Variants in KLKB1 observed in about 807,000 individuals in gnomAD.
KLKB1 encodes the protein kallikrein B1.
In KLKB1, 58 loss-of-function variants were observed where a neutral mutation model predicts 73.6. That is an observed-to-expected ratio of 0.79 (90% CI 0.64 to 0.98). The LOEUF (loss-of-function observed/expected upper bound fraction) is 0.98. Among genes scored for constraint, KLKB1 ranks in the 50% least tolerant of loss-of-function variants. The pLI, the probability that KLKB1 is intolerant of heterozygous loss-of-function variation, is 0.00. For missense variants in KLKB1, 737 were observed against 763.8 expected (o/e 0.96, Z 0.41); for synonymous variants, 280 against 258.1 (o/e 1.08, Z -0.81).
At chr4:186,224,796 G>C (rs1171725768), upstream of KLKB1, among the ~76,000 whole-genome samples, 2 of 152,188 alleles carry the variant, frequency 1.3e-5, no homozygotes, top group Non-Finnish European at 2.9e-5. Flanking sequence ...AATCTGAAAA[G>C]GACATGAGAT....
intron 2 of KLKB1, chr4:186,211,987 TCA>T (rs1031391500): frequency 7.9e-5 from 12 of 152,150 alleles, no homozygotes; most frequent in African/African-American, 2.9e-4. Context: ...TCACAGTGCC[TCA>T]CAGAGTTAAT....
chr4:186,226,832 G>C (rs564939025), upstream of KLKB1, among the ~76,000 whole-genome samples: 1 of 152,332 alleles, frequency 6.6e-6, no homozygotes, highest in East Asian at 1.9e-4. Context: ...TGCCAACTTG[G>C]AGCCTGGGGT....
intron 6 of KLKB1, among the ~76,000 whole-genome samples, chr4:186,242,786 G>A (rs933893590): frequency 1.3e-5 from 2 of 152,124 alleles, no homozygotes; most frequent in Non-Finnish European, 2.9e-5. Flanking sequence ...TGGAGGCTGA[G>A]CTTGGTGAGG....
chr4:186,216,201 C>T (rs1214597141), intron 2 of KLKB1, among the ~76,000 whole-genome samples: 2 of 152,210 alleles, frequency 1.3e-5, no homozygotes, highest in South Asian at 2.1e-4. Flanking sequence ...TGTCCTCAAT[C>T]TCTTGTTTTT....
chr4:186,225,423 CTTTTT>C (rs35336018), upstream of KLKB1, among the ~76,000 whole-genome samples: 1 of 106,680 alleles, frequency 9.4e-6, no homozygotes. Context: ...GTGAGGATTT[CTTTTT>C]TTTTTTTTTT....
chr4:186,230,014 C>A (rs943619760), intron 2 of KLKB1, among the ~76,000 whole-genome samples: 2 of 152,140 alleles, frequency 1.3e-5, no homozygotes, highest in Middle Eastern at 3.4e-3. Context: ...TTTGCTACTA[C>A]GTGGAGCTTG....
chr4:186,213,866 T>C (rs966300693), intron 2 of KLKB1, among the ~76,000 whole-genome samples: 1 of 152,240 alleles, frequency 6.6e-6, no homozygotes, highest in African/African-American at 2.4e-5. Context: ...TTAAAAATTT[T>C]TAGTCTGCGT....
chr4:186,251,152 T>A, intron 7 of KLKB1, 67 bp from the exon 8 acceptor site: 1 of 1,033,328 alleles, frequency 9.7e-7, no homozygotes, highest in Non-Finnish European at 1.5e-6. Flanking sequence ...GAGCTGCTTT[T>A]GTATTTGCCT....
chr4:186,245,802 G>GTTTTTTTTTTTTT (rs755207618), intron 6 of KLKB1, among the ~76,000 whole-genome samples: 1 of 54,884 alleles, frequency 1.8e-5, no homozygotes, highest in African/African-American at 5.7e-5. Context: ...AATTTTTGGA[G>GTTTTTTTTTTTTT]TTTTTTTTTG....
intron 12 of KLKB1, among the ~76,000 whole-genome samples, chr4:186,255,035 C>T (rs891103317): frequency 1.6e-4 from 24 of 152,136 alleles, no homozygotes; most frequent in African/African-American, 5.3e-4. Flanking sequence ...ATGTCTGTGC[C>T]GTCTGAGAGG....
Position 186,251,470 on chromosome 4 carries a change from G to A in KLKB1, c.869-17G>A. ...CTTTTCCCATCTGATATCTTTTTGTGTTTATAATTGACACAGAACCCTGCC... is the reference window on the plus strand; with the variant it reads ...CTTTTCCCATCTGATATCTTTTTGTATTTATAATTGACACAGAACCCTGCC... On this transcript the variant is annotated splice_polypyrimidine_tract_variant and intron_variant, in intron 8 of 14. Coordinates refer to ENST00000264690, the MANE Select transcript of KLKB1 (RefSeq NM_000892.5). The A allele has an allele frequency of 1.2e-6, 2 of 1,612,008 alleles. No homozygotes were observed. Among genetic ancestry groups the A allele is most frequent in the Non-Finnish European group, 1.7e-6 (2 of 1,178,210 alleles).
At chr4:186,245,350 G>A (rs1181427875) in intron 6 of KLKB1, among the ~76,000 whole-genome samples, 1 of 152,200 alleles carries the variant, frequency 6.6e-6, no homozygotes, top group Non-Finnish European at 1.5e-5. Flanking sequence ...AGGCTTCTAA[G>A]GTGATCGGGC....
chr4:186,234,196 A>T, intron 4 of KLKB1, 138 bp downstream of exon 4: 1 of 705,426 alleles, frequency 1.4e-6, no homozygotes, highest in Non-Finnish European at 2.6e-6. Flanking sequence ...TATTCTGGAC[A>T]CAAAAGAGGG....
intron 2 of KLKB1, among the ~76,000 whole-genome samples, chr4:186,229,290 A>G (rs1579992690): frequency 6.6e-6 from 1 of 152,316 alleles, no homozygotes; most frequent in African/African-American, 2.4e-5. Context: ...TAGAAACTAC[A>G]TATTGCATGT....
At chr4:186,244,247 T>G (rs1000676521) in intron 6 of KLKB1, among the ~76,000 whole-genome samples, 4 of 107,326 alleles carry the variant, frequency 3.7e-5, no homozygotes, top group African/African-American at 1.7e-4. Context: ...TTTTGTGAGT[T>G]TATATAATGG....
intron 13 of KLKB1, among the ~76,000 whole-genome samples, chr4:186,256,366 G>A (rs1260460807): frequency 6.6e-6 from 1 of 152,178 alleles, no homozygotes; most frequent in African/African-American, 2.4e-5. Context: ...GGGCTGACAA[G>A]CCCGTGCAAG....
In KLKB1 at chr4:186,235,052, G is replaced by A. The variant is rs544869836; in HGVS notation, c.328+994G>A. On this transcript the variant is annotated intron_variant, in intron 4 of 14. Transcript: ENST00000264690. The stretch of plus-strand genomic sequence containing the variant: ...TTCAATACGTACACACTTTGAGCCT[G>A]CTGTTTGCATTTTAACCAGTTATCA... 1.1e-4 allele frequency among the ~76,000 whole-genome samples: 17 copies of A among 152,250 alleles called. No homozygotes were observed. In the East Asian group the frequency reaches 1.7e-3, roughly 16 times the overall value.
chr4:186,239,035 T>TA (rs1737858542), intron 6 of KLKB1, among the ~76,000 whole-genome samples: 1 of 132,886 alleles, frequency 7.5e-6, no homozygotes, highest in Non-Finnish European at 1.6e-5. Context: ...GTGATACTGT[T>TA]AGAGTTATAG....
chr4:186,224,159 A>G (rs976553660), upstream of KLKB1, among the ~76,000 whole-genome samples: 22 of 152,260 alleles, frequency 1.4e-4, no homozygotes, highest in Admixed American at 3.3e-4. Context: ...GGATGTGTGG[A>G]AACACCTGGC....
Sources: gnomAD v4.1 joint callset for allele counts (sites outside exome capture counted in the v4.1 genomes callset) on GRCh38, gnomAD v4.1.1 for gene constraint, MANE v1.5 for transcripts, NCBI Gene and HGNC (gene_info 2026-07-23, HGNC 2026-07-21) for gene names.